RAC1: variants seen among roughly 807,000 people sequenced by gnomAD.
The protein encoded by RAC1 is ras-related C3 botulinum toxin substrate 1.
RAC1 carries 2 observed loss-of-function variants against 25.2 expected under a neutral mutation model. The observed-to-expected ratio is 0.08, with a 90% CI of 0.03 to 0.25. The LOEUF is 0.25. RAC1 is among the 10% of genes least tolerant of loss of function. RAC1 has a pLI of 1.00. For synonymous variants in RAC1, 88 were observed against 94.0 expected, an observed-to-expected ratio of 0.94 and a Z score of 0.37; for missense variants, 50 against 235.7, an observed-to-expected ratio of 0.21 and a Z score of 5.16.
Position 6,374,811 on chromosome 7 carries a change from G to C in RAC1, c.35+41G>C, listed in dbSNP as rs774309151. 7.3e-5 allele frequency: 80 copies of C among 1,098,246 alleles called. 1 individual carries two copies. The East Asian group carries it at 3.7e-3, about 50-fold the overall frequency. The allele number at this position is 1,098,246 out of a possible 1,614,324, so 68.0% of individuals were successfully genotyped here. A position where few individuals can be genotyped will look rare whatever the true frequency, so the allele number is the denominator to read the frequency against. On this transcript the variant is annotated intron_variant, in intron 1 of 5. Coordinates refer to ENST00000348035, the MANE Select transcript of RAC1 (RefSeq NM_006908.5). Reference sequence around the variant, plus strand: ...GGGCCGGGCTGGAGGCCGCGGGATCGGGCGCGGAGGGGGGTTGGGCCCGGA... The same window carrying C: ...GGGCCGGGCTGGAGGCCGCGGGATCCGGCGCGGAGGGGGGTTGGGCCCGGA...
At chr7:6,402,108 G>A (rs1783419678) in intron 5 of RAC1, 81 bp downstream of exon 5, 1 of 1,517,386 alleles carries the variant, frequency 6.6e-7, no homozygotes, top group East Asian at 2.3e-5. Flanking sequence ...TGGGAAAGGA[G>A]GGTGTGTGTC....
At chr7:6,394,329 G>A (rs756936780) in intron 3 of RAC1, among the ~76,000 whole-genome samples, 3 of 152,124 alleles carry the variant, frequency 2.0e-5, no homozygotes, top group East Asian at 1.9e-4. Flanking sequence ...TTTATTTCCC[G>A]AATTACGTAA....
chr7:6,402,468 G>C lies in RAC1; in HGVS notation c.*22G>C. The C allele has an allele frequency of 3.1e-6, 4 of 1,288,448 alleles. No individual in the cohort carries two copies. Among genetic ancestry groups the C allele is most frequent in the Non-Finnish European group, 3.0e-6 (3 of 988,426 alleles). The allele number at this position is 1,288,448 out of a possible 1,614,324, so 79.8% of individuals were successfully genotyped here. A position where few individuals can be genotyped will look rare whatever the true frequency, so the allele number is the denominator to read the frequency against. On this transcript the variant is annotated 3_prime_UTR_variant, in exon 6 of 6. Transcript: ENST00000348035. ...GTAAATGTCTCAGCCCCTCGTTCTT[G>C]GTCCTGTCCCTTGGAACCTTTGTAC...
At chr7:6,377,596 AAAAAGC>A (rs1055081354) in intron 1 of RAC1, among the ~76,000 whole-genome samples, 1 of 151,832 alleles carries the variant, frequency 6.6e-6, no homozygotes, top group South Asian at 2.1e-4. Flanking sequence ...CCTTGTCTCA[AAAAAGC>A]AAAAACAAAA....
chr7:6,397,329 C>T (rs1339234331), intron 3 of RAC1, among the ~76,000 whole-genome samples: 2 of 151,950 alleles, frequency 1.3e-5, no homozygotes, highest in African/African-American at 4.8e-5. Context: ...GGGTCTCGCT[C>T]TGTCACCCAG....
chr7:6,376,988 T>C (rs1247439117), intron 1 of RAC1, among the ~76,000 whole-genome samples: 2 of 151,972 alleles, frequency 1.3e-5, no homozygotes, highest in Non-Finnish European at 2.9e-5. Context: ...ACCGCTTACA[T>C]GGGGTAACCC....
intron 3 of RAC1, among the ~76,000 whole-genome samples, chr7:6,394,282 G>C (rs973562175): frequency 5.3e-5 from 8 of 152,214 alleles, no homozygotes; most frequent in Non-Finnish European, 1.0e-4. Context: ...TGGTGAGCAG[G>C]TAGTCGCCAT....
At position 6,390,096 on chromosome 7, in the gene RAC1, C is replaced by CTTTTTTTTT. The variant is rs34547258; in HGVS notation, c.108-1815_108-1807dup. Reference sequence around the variant, plus strand: ...CCTCCCTTGCTCCCTCCCTCCCTCCCTTTTTTTTTTTTTTTTTTTTTGAGA... The same window carrying CTTTTTTTTT: ...CCTCCCTTGCTCCCTCCCTCCCTCCCTTTTTTTTTTTTTTTTTTTTTTTTTTTTTTGAGA... On this transcript the variant is annotated intron_variant, in intron 2 of 5. Transcript: ENST00000348035. Among the ~76,000 whole-genome samples, 118 of 74,914 alleles carry CTTTTTTTTT rather than the reference C, an allele frequency of 1.6e-3. 7 individuals carry two copies. The highest frequency in any genetic ancestry group is 6.2e-3 in the East Asian group (8 of 1,298). 49.1% of individuals were successfully genotyped at this position (74,914 alleles called of 152,430 possible). A position where few individuals can be genotyped will look rare whatever the true frequency, so the allele number is the denominator to read the frequency against.
chr7:6,391,785 G>T, intron 2 of RAC1, 139 bp from the exon 3 acceptor site: 1 of 1,372,778 alleles, frequency 7.3e-7, no homozygotes, highest in Non-Finnish European at 9.7e-7. Context: ...CTTCCTCCTT[G>T]TGCCTGCAGG....
rs1204806407 is a variant in RAC1, at chr7:6,403,579, T to C, written c.*1133T>C. The C allele has an allele frequency of 4.6e-6, 1 of 217,922 alleles. No homozygotes were observed. Among genetic ancestry groups the C allele is most frequent in the Admixed American group, 5.8e-5 (1 of 17,272 alleles). The allele number at this position is 217,922 out of a possible 1,614,324, so 13.5% of individuals were successfully genotyped here. ...TTCTAGTAACTAGGTGTAAAAATCA[T>C]GTGTTGCAGCTTTATAGTTTTTAAA... On this transcript the variant is annotated 3_prime_UTR_variant, in exon 6 of 6. Transcript: ENST00000348035.
At chr7:6,392,147 G>A (rs545501700) in intron 3 of RAC1, 106 bp downstream of exon 3, 5 of 1,562,228 alleles carry the variant, frequency 3.2e-6, no homozygotes. Flanking sequence ...CATCATTTGG[G>A]TATTGAGTAA....
At chr7:6,388,524 T>C (rs1427763277) in intron 2 of RAC1, among the ~76,000 whole-genome samples, 2 of 151,910 alleles carry the variant, frequency 1.3e-5, no homozygotes, top group Non-Finnish European at 2.9e-5. Flanking sequence ...TTTGTTTCTT[T>C]AGTAGAGACG....
intron 1 of RAC1, among the ~76,000 whole-genome samples, chr7:6,376,764 C>T (rs1352059005): frequency 7.4e-6 from 1 of 135,298 alleles, no homozygotes; most frequent in East Asian, 2.1e-4. Context: ...TCAAGTGATC[C>T]GCCCGCCTCG....
intron 2 of RAC1, among the ~76,000 whole-genome samples, chr7:6,389,989 C>G (rs1562465857): frequency 2.5e-5 from 3 of 121,290 alleles, no homozygotes; most frequent in African/African-American, 9.3e-5. Flanking sequence ...CCTCCCTCCT[C>G]CTCTCCCTCC....
intron 2 of RAC1, 115 bp from the exon 3 acceptor site, chr7:6,391,809 G>C (rs964146409): frequency 2.0e-6 from 3 of 1,506,750 alleles, no homozygotes; most frequent in Non-Finnish European, 2.7e-6. Flanking sequence ...ATTTGCTGGT[G>C]TGGCAGCCTC....
rs574120029 is a variant in RAC1 at position 6,395,790 on chromosome 7, C to T, written c.225+3749C>T. Among the ~76,000 whole-genome samples, 15 of 152,324 alleles carry T rather than the reference C, an allele frequency of 9.8e-5. No homozygotes were observed. In the East Asian group the frequency reaches 1.9e-3, roughly 20 times the overall value. On this transcript the variant is annotated intron_variant, in intron 3 of 5. Coordinates refer to ENST00000348035, the MANE Select transcript of RAC1 (RefSeq NM_006908.5). Reference sequence around the variant, plus strand: ...ACAGGATTACAGGCGTGAGCCACTGCGCCTGGCCAGAATGTCTGTGTGTTT... The same window carrying T: ...ACAGGATTACAGGCGTGAGCCACTGTGCCTGGCCAGAATGTCTGTGTGTTT...
intron 3 of RAC1, among the ~76,000 whole-genome samples, chr7:6,394,761 A>G (rs963601064): frequency 3.3e-5 from 5 of 150,046 alleles, no homozygotes; most frequent in South Asian, 2.1e-4. Flanking sequence ...GCTCACTGCA[A>G]CCTCCGCTTC....
chr7:6,397,365 C>T (rs867886529), intron 3 of RAC1, among the ~76,000 whole-genome samples: 1 of 151,964 alleles, frequency 6.6e-6, no homozygotes, highest in Non-Finnish European at 1.5e-5. Context: ...CACAATCTCG[C>T]CTCACTGCAA....
At chr7:6,398,641 C>G (rs780944093) in intron 3 of RAC1, 3 of 1,611,264 alleles carry the variant, frequency 1.9e-6, no homozygotes, top group Non-Finnish European at 2.5e-6. Context: ...AAACTCAAAC[C>G]AAGTTCTCAT....
Sources: allele counts gnomAD v4.1 joint callset (sites outside exome capture counted in the v4.1 genomes callset), GRCh38; gene constraint gnomAD v4.1.1; transcripts MANE v1.5; gene names NCBI Gene and HGNC (gene_info 2026-07-23, HGNC 2026-07-21).